The following PAM variants were observed in gnomAD, a reference collection of about 807,000 sequenced individuals.
PAM encodes peptidylglycine alpha-amidating monooxygenase.
In PAM, 72 loss-of-function variants were observed where a neutral mutation model predicts 122.1. That is an observed-to-expected ratio of 0.59 (90% CI 0.49 to 0.72). The LOEUF is 0.72. Among genes scored for constraint, PAM ranks in the 30% least tolerant of loss-of-function variants. The pLI is 0.00. For synonymous variants in PAM, 389 were observed against 404.4 expected (o/e 0.96, Z 0.46); for missense variants, 1,106 against 1,183.7 (o/e 0.93, Z 0.96).
At chr5:102,799,726 A>T (rs936404239) in intron 1 of PAM, among the ~76,000 whole-genome samples, 5 of 152,240 alleles carry the variant, frequency 3.3e-5, no homozygotes, top group Middle Eastern at 6.8e-3. Flanking sequence ...ATGGCCTCAG[A>T]CTCCGTCTCA....
At position 103,005,138 on chromosome 5, in the gene PAM, T is replaced by G. The variant is rs780065350; in HGVS notation, c.1731-16T>G. Reference sequence around the variant, plus strand: ...AGAGTAAATGTGTAATTAACACAAATATTTTTATTTTGCAGGTTTTACTTG... The same window carrying G: ...AGAGTAAATGTGTAATTAACACAAAGATTTTTATTTTGCAGGTTTTACTTG... On this transcript the variant is annotated splice_polypyrimidine_tract_variant and intron_variant, in intron 17 of 25. Transcript: ENST00000438793. The G allele has an allele frequency of 1.4e-6, 2 of 1,474,968 alleles. No homozygotes were observed. Among genetic ancestry groups the G allele is most frequent in the Admixed American group, 3.3e-5 (2 of 59,744 alleles). The allele number at this position is 1,474,968 out of a possible 1,614,324, so 91.4% of individuals were successfully genotyped here.
chr5:102,898,495 A>G (rs909133141), intron 3 of PAM, among the ~76,000 whole-genome samples: 1 of 151,678 alleles, frequency 6.6e-6, no homozygotes, highest in Non-Finnish European at 1.5e-5. Flanking sequence ...TGCTGTCTTT[A>G]TCTCTTCAGA....
chr5:102,771,070 T>C (rs1403861957), intron 1 of PAM, among the ~76,000 whole-genome samples: 1 of 152,134 alleles, frequency 6.6e-6, no homozygotes, highest in East Asian at 1.9e-4. Context: ...AGTGGCACCA[T>C]TTGAAGATTG....
chr5:102,783,965 C>T (rs1184253130), intron 1 of PAM, among the ~76,000 whole-genome samples: 1 of 151,494 alleles, frequency 6.6e-6, no homozygotes, highest in Non-Finnish European at 1.5e-5. Flanking sequence ...GGCGCAATCT[C>T]GGCTCACTGC....
intron 1 of PAM, among the ~76,000 whole-genome samples, chr5:102,831,902 C>T (rs1323766302): frequency 1.3e-5 from 2 of 151,910 alleles, no homozygotes; most frequent in African/African-American, 2.4e-5. Flanking sequence ...CTCCCCCGCC[C>T]GCCCCTGTCT....
At chr5:102,857,539 T>C (rs1393080365) in intron 1 of PAM, among the ~76,000 whole-genome samples, 2 of 152,182 alleles carry the variant, frequency 1.3e-5, no homozygotes, top group African/African-American at 4.8e-5. Flanking sequence ...AAATGAGTAA[T>C]GTTTATAAAG....
intron 2 of PAM, among the ~76,000 whole-genome samples, chr5:102,866,914 T>C (rs1785750652): frequency 2.0e-5 from 3 of 152,228 alleles, no homozygotes; most frequent in East Asian, 1.9e-4. Flanking sequence ...TAATTTGTAA[T>C]GTATTAATAC....
At chr5:102,847,802 G>T (rs573865601) in intron 1 of PAM, among the ~76,000 whole-genome samples, 4 of 152,030 alleles carry the variant, frequency 2.6e-5, no homozygotes, top group Non-Finnish European at 5.9e-5. Context: ...AACTGAAATC[G>T]GTCAGAGAAC....
intron 5 of PAM, 145 bp from the exon 6 acceptor site, chr5:102,924,812 G>A (rs1414043796): frequency 1.1e-5 from 6 of 549,444 alleles, no homozygotes; most frequent in East Asian, 2.9e-5. Context: ...GTCTTTATTC[G>A]GATCTTAAAG....
intron 12 of PAM, among the ~76,000 whole-genome samples, chr5:102,956,493 A>G (rs1760794044): frequency 6.6e-6 from 1 of 152,116 alleles, no homozygotes; most frequent in Admixed American, 6.6e-5. Context: ...TAGAGGACAA[A>G]GAGTTACATT....
intron 15 of PAM, among the ~76,000 whole-genome samples, chr5:102,989,557 C>A (rs1469881915): frequency 6.6e-6 from 1 of 152,048 alleles, no homozygotes; most frequent in East Asian, 1.9e-4. Flanking sequence ...ATATTCTGAT[C>A]AGAAATAAGA....
chr5:102,956,277 TTG>T (rs986641735), intron 12 of PAM, among the ~76,000 whole-genome samples: 19 of 152,242 alleles, frequency 1.2e-4, no homozygotes, highest in Admixed American at 1.0e-3. Flanking sequence ...AATTAGTGTA[TTG>T]TGTGTGTATG....
Position 103,009,392 on chromosome 5 carries a change from T to C in PAM, c.2216-359T>C, listed in dbSNP as rs908014805. Among the ~76,000 whole-genome samples, 5 of 152,300 alleles carry C rather than the reference T, an allele frequency of 3.3e-5. 1 individual carries two copies. Among genetic ancestry groups the C allele is most frequent in the Admixed American group, 2.6e-4 (4 of 15,294 alleles). On this transcript the variant is annotated intron_variant, in intron 20 of 25. Coordinates refer to ENST00000438793, the MANE Select transcript of PAM (RefSeq NM_001177306.2). ...TTTTAAAAGATCTGAGACTCCAAAA[T>C]TATTGGCCTAAATAACCTGACTTTC...
At position 102,974,172 on chromosome 5, in the gene PAM, G is replaced by A. The variant is rs559246726; in HGVS notation, c.1219G>A (p.Val407Met). ...AGGAGAAAGGGAAGATGTTGTTCAT[G>A]TGCACAAATATAATCCTACAGAAAA... Reference protein sequence around the residue: ...LLGEREDVVHVHKYNPTEKAE... With the variant: ...LLGEREDVVHMHKYNPTEKAE... The change falls in exon 15 of 26, where the codon GTG becomes ATG. Residue 407 changes from valine (V) to methionine (M), a missense_variant. Val to Met is a conservative substitution (Grantham distance 21, BLOSUM62 1). This residue lies in a region of PAM where 670 missense variants were observed against 690.3 expected (regional missense o/e 0.97). Coordinates refer to ENST00000438793, the MANE Select transcript of PAM (RefSeq NM_001177306.2). 2 of 1,613,836 alleles carry A rather than the reference G, an allele frequency of 1.2e-6. No individual in the cohort carries two copies. The highest frequency in any genetic ancestry group is 1.3e-5 in the African/African-American group (1 of 75,020).
At chr5:102,962,903 G>T (rs1329677425) in intron 14 of PAM, among the ~76,000 whole-genome samples, 2 of 150,988 alleles carry the variant, frequency 1.3e-5, no homozygotes, top group African/African-American at 2.4e-5. Flanking sequence ...AACTCTTACT[G>T]GTCCCCGAGA....
In PAM at chr5:103,025,172, A is replaced by C; in HGVS notation, c.2527A>C (p.Thr843Pro). The C allele has an allele frequency of 6.2e-7, 1 of 1,613,692 alleles. No individual in the cohort carries two copies. The highest frequency in any genetic ancestry group is 8.5e-7 in the Non-Finnish European group (1 of 1,179,694). Residue 843 changes from threonine (T) to proline (P), a missense_variant, in exon 24 of 26, where the codon ACC becomes CCC. By Grantham distance (38) the Thr-to-Pro change is conservative. This residue lies in a region of PAM where 333 missense variants were observed against 335.6 expected (regional missense o/e 0.99). Coordinates refer to ENST00000438793, the MANE Select transcript of PAM (RefSeq NM_001177306.2). The stretch of plus-strand genomic sequence containing the variant: ...TGAAACCAAAATGGAGAACAAACCC[A>C]CCTCCTCAGAATTGCAGAAGATGCA... Reference protein sequence around the residue: ...VVETKMENKPTSSELQKMQEK... With the variant: ...VVETKMENKPPSSELQKMQEK...
intron 1 of PAM, among the ~76,000 whole-genome samples, chr5:102,786,151 A>G (rs1362751574): frequency 1.3e-5 from 2 of 152,244 alleles, no homozygotes; most frequent in African/African-American, 4.8e-5. Flanking sequence ...GACACAAGCA[A>G]GAATACATTT....
chr5:102,950,416 G>GGTGT (rs1554134180), intron 11 of PAM, among the ~76,000 whole-genome samples: 30 of 145,964 alleles, frequency 2.1e-4, no homozygotes, highest in African/African-American at 3.9e-4. Context: ...TATGTGGGTG[G>GGTGT]GTGTGTGTGT....
intron 21 of PAM, among the ~76,000 whole-genome samples, chr5:103,015,090 T>C (rs142247453): frequency 6.6e-6 from 1 of 152,314 alleles, no homozygotes; most frequent in African/African-American, 2.4e-5. Context: ...TTAAGTTAAA[T>C]TACTTGTTCA....
Sources: gnomAD v4.1 joint callset for allele counts (sites outside exome capture counted in the v4.1 genomes callset) on GRCh38, gnomAD v4.1.1 for gene constraint, gnomAD v4.1.1 regional missense constraint, MANE v1.5 for transcripts, NCBI Gene and HGNC (gene_info 2026-07-23, HGNC 2026-07-21) for gene names.